FRAS1: variants seen among roughly 807,000 people sequenced by gnomAD.
The protein encoded by FRAS1 is extracellular matrix organizing protein FRAS1.
In FRAS1, 290 loss-of-function variants were observed where a neutral mutation model predicts 435.2. That is an observed-to-expected ratio of 0.67 (90% confidence interval 0.61 to 0.73). The LOEUF (loss-of-function observed/expected upper bound fraction) is 0.73. Among genes scored for constraint, FRAS1 ranks in the 30% least tolerant of loss-of-function variants. FRAS1 has a pLI of 0.00. For synonymous variants in FRAS1, 1,800 were observed against 1,851.0 expected (o/e 0.97, Z 0.71); for missense variants, 4,860 against 5,001.5 (o/e 0.97, Z 0.85).
intron 12 of FRAS1, among the ~76,000 whole-genome samples, chr4:78,283,546 G>A (rs1266481526): frequency 6.6e-6 from 1 of 152,234 alleles, no homozygotes; most frequent in Non-Finnish European, 1.5e-5. Context: ...TGCTCTGGTT[G>A]AGTAGTAGTT....
At position 78,381,363 on chromosome 4, in the gene FRAS1, G is replaced by T. The variant is rs186043765; in HGVS notation, c.3563+1367G>T. ...CTGTCACTCAGGCTGGAGTACAGTG[G>T]CACGATCTTGGCTCACTGCAACCTC... On this transcript the variant is annotated intron_variant, in intron 27 of 73. Transcript: ENST00000512123. 1.1e-4 allele frequency among the ~76,000 whole-genome samples: 17 copies of T among 152,268 alleles called. No homozygotes were observed. The East Asian group carries it at 3.3e-3, about 29-fold the overall frequency.
chr4:78,076,203 C>A (rs1258624771), intron 2 of FRAS1, among the ~76,000 whole-genome samples: 3 of 151,998 alleles, frequency 2.0e-5, no homozygotes, highest in South Asian at 2.1e-4. Flanking sequence ...AAAGAGAGAT[C>A]AATTTGCAGA....
At chr4:78,274,080 A>C (rs1726864944) in intron 9 of FRAS1, among the ~76,000 whole-genome samples, 1 of 152,122 alleles carries the variant, frequency 6.6e-6, no homozygotes, top group Non-Finnish European at 1.5e-5. Flanking sequence ...CATTTCCTTT[A>C]GATTTTCTAG....
intron 2 of FRAS1, chr4:78,181,828 C>G: frequency 6.2e-7 from 1 of 1,612,088 alleles, no homozygotes; most frequent in South Asian, 1.1e-5. Context: ...CTTTCTGGGA[C>G]TCCTTGCGCA....
At chr4:78,428,784 C>T (rs1734097259) in intron 35 of FRAS1, among the ~76,000 whole-genome samples, 1 of 152,080 alleles carries the variant, frequency 6.6e-6, no homozygotes, top group Non-Finnish European at 1.5e-5. Context: ...TTTGTGTTAC[C>T]TTCCTTTCCA....
chr4:78,181,671 T>C, intron 2 of FRAS1: 1 of 1,609,682 alleles, frequency 6.2e-7, no homozygotes, highest in South Asian at 1.1e-5. Context: ...TCTGGTCTTC[T>C]ATCAATTATT....
intron 2 of FRAS1, among the ~76,000 whole-genome samples, chr4:78,117,598 T>C (rs936244340): frequency 6.6e-6 from 1 of 152,238 alleles, no homozygotes; most frequent in Non-Finnish European, 1.5e-5. Flanking sequence ...CCGTCACTGA[T>C]ACCCTTTCTT....
At chr4:78,097,461 A>G (rs1741867585) in intron 2 of FRAS1, among the ~76,000 whole-genome samples, 1 of 152,182 alleles carries the variant, frequency 6.6e-6, no homozygotes, top group African/African-American at 2.4e-5. Flanking sequence ...ATAAAGACAT[A>G]CCTGAGGCTG....
At chr4:78,305,633 T>G (rs998250243) in intron 14 of FRAS1, among the ~76,000 whole-genome samples, 24 of 142,694 alleles carry the variant, frequency 1.7e-4, no homozygotes, top group Non-Finnish European at 3.5e-4. Context: ...TCTTTGTCTC[T>G]TTTGATGTTT....
chr4:78,192,437 C>T (rs1578176918), intron 2 of FRAS1, among the ~76,000 whole-genome samples: 1 of 152,238 alleles, frequency 6.6e-6, no homozygotes, highest in South Asian at 2.1e-4. Flanking sequence ...TTAATTATTG[C>T]CTCAATTTCA....
rs1243501585 is a variant in FRAS1 at position 78,470,087 on chromosome 4, G to T, written c.7367G>T (p.Gly2456Val). 1.2e-6 allele frequency: 2 copies of T among 1,606,010 alleles called. No individual in the cohort carries two copies. The highest frequency in any genetic ancestry group is 8.5e-7 in the Non-Finnish European group (1 of 1,173,464). ...LGLQWLEYMD[G>V]KATNLITKKE... ...CTCCAGTGGCTGGAATACATGGATGGCAAGGTAAGGCCTGTCCCTCTGTCA... is the reference window on the plus strand; with the variant it reads ...CTCCAGTGGCTGGAATACATGGATGTCAAGGTAAGGCCTGTCCCTCTGTCA... Residue 2456 changes from glycine (G) to valine (V), a missense_variant, in exon 51 of 74, where the codon GGC becomes GTC. By Grantham distance (109) the Gly-to-Val change is moderately radical. Transcript: ENST00000512123.
At chr4:78,322,985 G>T (rs75149605) in intron 18 of FRAS1, among the ~76,000 whole-genome samples, 1 of 152,200 alleles carries the variant, frequency 6.6e-6, no homozygotes, top group African/African-American at 2.4e-5. Flanking sequence ...ATGGATGCTG[G>T]TCTGTGCCCA....
At chr4:78,406,956 G>A (rs1425009330) in intron 30 of FRAS1, among the ~76,000 whole-genome samples, 4 of 152,132 alleles carry the variant, frequency 2.6e-5, no homozygotes, top group Non-Finnish European at 5.9e-5. Context: ...CTGACCTCAC[G>A]TGAAAGGTTA....
At chr4:78,184,205 A>C (rs1722177450) in intron 2 of FRAS1, among the ~76,000 whole-genome samples, 1 of 152,234 alleles carries the variant, frequency 6.6e-6, no homozygotes, top group Non-Finnish European at 1.5e-5. Context: ...CTGGAGAAAC[A>C]GAACCAGCAG....
At chr4:78,424,320 T>G in intron 34 of FRAS1, 68 bp from the exon 35 acceptor site, 1 of 797,974 alleles carries the variant, frequency 1.3e-6, no homozygotes, top group African/African-American at 1.8e-5. Context: ...CCCTTTGTTT[T>G]GTACCTTTCC....
Position 78,098,838 on chromosome 4 carries a change from A to G in FRAS1, c.108+32822A>G, listed in dbSNP as rs528269139. Among the ~76,000 whole-genome samples, 7 of 152,318 alleles carry G rather than the reference A, an allele frequency of 4.6e-5. No homozygotes were observed. In the South Asian group the frequency reaches 1.4e-3, roughly 32 times the overall value. On this transcript the variant is annotated intron_variant, in intron 2 of 73. Coordinates refer to ENST00000512123, the MANE Select transcript of FRAS1 (RefSeq NM_025074.7). ...CTTCAGTTAATATTACTGAGTGAAT[A>G]TCCTGTTTTAAAAGCCAGAGCTAAG...
rs1872267 is a variant in FRAS1 at position 78,421,901 on chromosome 4, C to T, written c.4579C>T (p.Arg1527Trp). 4,627 of 1,613,856 alleles carry T rather than the reference C, an allele frequency of 2.9e-3. 12 individuals are homozygous for T. The highest frequency in any genetic ancestry group is 0.02 in the Middle Eastern group (121 of 6,062). Residue 1527 changes from arginine to tryptophan, a missense_variant, in exon 34 of 74, where the codon CGG (arginine) becomes TGG (tryptophan). Arg to Trp is a moderately radical substitution (Grantham distance 101, BLOSUM62 -3). Transcript: ENST00000512123. ...CCGGGACCACCCTCACTCTCCTATC[C>T]GGTATTTCACGCAAGAGGATATTAA... Reference protein sequence around the residue: ...EHRDHPHSPIRYFTQEDINQG... With the variant: ...EHRDHPHSPIWYFTQEDINQG...
intron 2 of FRAS1, among the ~76,000 whole-genome samples, chr4:78,099,621 C>T (rs1439560900): frequency 6.6e-6 from 1 of 152,156 alleles, no homozygotes; most frequent in African/African-American, 2.4e-5. Context: ...ACTCATAATC[C>T]TGTGAGAAAA....
intron 56 of FRAS1, 100 bp from the exon 57 acceptor site, chr4:78,481,704 A>AT: frequency 7.5e-7 from 1 of 1,342,108 alleles, no homozygotes; most frequent in Non-Finnish European, 1.1e-6. Context: ...AAAGGGCTAA[A>AT]AGCTGCCACT....
Sources: gnomAD v4.1 joint callset for allele counts (sites outside exome capture counted in the v4.1 genomes callset) on GRCh38, gnomAD v4.1.1 for gene constraint, MANE v1.5 for transcripts, NCBI Gene and HGNC (gene_info 2026-07-23, HGNC 2026-07-21) for gene names.